The following DPRX variants were observed in gnomAD, a reference collection of about 807,000 sequenced individuals.
DPRX encodes divergent paired-related homeobox.
In DPRX, 11 loss-of-function variants were observed where a neutral mutation model predicts 8.4. The ratio of observed to expected loss-of-function variants is 1.31; its 90% CI spans 0.82 to 2.17. The LOEUF (loss-of-function observed/expected upper bound fraction) is 2.17, where lower values mean the gene tolerates loss of function less well. DPRX is among the 30% of genes most tolerant of loss of function. The pLI is 0.00. For missense variants in DPRX, 211 were observed against 236.7 expected, an observed-to-expected ratio of 0.89 and a Z score of 0.71; for synonymous variants, 72 against 87.0, an observed-to-expected ratio of 0.83 and a Z score of 0.96.
At chr19:53,628,991 T>C (rs1022528692), upstream of DPRX, among the ~76,000 whole-genome samples, 3 of 151,834 alleles carry the variant, frequency 2.0e-5, no homozygotes, top group African/African-American at 7.3e-5. Flanking sequence ...TTAAACAATA[T>C]GGTTTATCCA....
the DPRX span, among the ~76,000 whole-genome samples, chr19:53,605,699 T>C: frequency 6.6e-6 from 1 of 151,764 alleles, no homozygotes; most frequent in Non-Finnish European, 1.5e-5. Context: ...GGGTCTTGCT[T>C]TGTCACCCAG....
the DPRX span, among the ~76,000 whole-genome samples, chr19:53,608,813 G>C: frequency 1.3e-5 from 2 of 151,758 alleles, no homozygotes; most frequent in Non-Finnish European, 2.9e-5. Flanking sequence ...AAATTAGCCG[G>C]GCATGGTGGC....
At chr19:53,619,980 C>G in the DPRX span, among the ~76,000 whole-genome samples, 1 of 152,124 alleles carries the variant, frequency 6.6e-6, no homozygotes, top group Non-Finnish European at 1.5e-5. Flanking sequence ...CATCCCCTGT[C>G]ACAGAGATGA....
upstream of DPRX, among the ~76,000 whole-genome samples, chr19:53,631,846 G>A (rs1741139844): frequency 6.6e-6 from 1 of 152,070 alleles, no homozygotes; most frequent in South Asian, 2.1e-4. Flanking sequence ...ACAACTCCCA[G>A]GAGTGTTAGT....
chr19:53,624,841 A>AGAAAG, the DPRX span, among the ~76,000 whole-genome samples: 1 of 142,352 alleles, frequency 7.0e-6, no homozygotes, highest in African/African-American at 2.6e-5. Flanking sequence ...AAAAAAAAAA[A>AGAAAG]AAAGAAAGAA....
the DPRX span, among the ~76,000 whole-genome samples, chr19:53,608,761 G>T: frequency 1.2e-4 from 18 of 151,868 alleles, no homozygotes; most frequent in Admixed American, 1.1e-3. Flanking sequence ...GACCATCCTG[G>T]CTAACATGGT....
the DPRX span, among the ~76,000 whole-genome samples, chr19:53,608,898 T>C: frequency 3.8e-5 from 5 of 130,208 alleles, no homozygotes; most frequent in Non-Finnish European, 7.7e-5. Context: ...GAGGTTGCAG[T>C]GAGCCAAGAT....
intron 1 of DPRX, among the ~76,000 whole-genome samples, chr19:53,632,540 A>C (rs2091097242): frequency 6.6e-6 from 1 of 151,320 alleles, no homozygotes; most frequent in Non-Finnish European, 1.5e-5. Flanking sequence ...CGAACTCCTG[A>C]CCTTGTGATC....
chr19:53,603,554 T>C, the DPRX span: 1 of 383,080 alleles, frequency 2.6e-6, no homozygotes, highest in Admixed American at 2.9e-5. Context: ...GGTACCTGAA[T>C]TAGAGAGAGT....
the DPRX span, among the ~76,000 whole-genome samples, chr19:53,611,567 G>A: frequency 6.6e-6 from 1 of 151,872 alleles, no homozygotes; most frequent in Non-Finnish European, 1.5e-5. Context: ...AGATGATTGC[G>A]GTACGATTTC....
upstream of DPRX, among the ~76,000 whole-genome samples, chr19:53,629,391 C>T (rs558341919): frequency 1.9e-4 from 28 of 150,700 alleles, no homozygotes; most frequent in Admixed American, 6.0e-4. Flanking sequence ...ACAACATGCT[C>T]AGTAAAAGAA....
At chr19:53,609,824 A>G in the DPRX span, among the ~76,000 whole-genome samples, 1 of 152,026 alleles carries the variant, frequency 6.6e-6, no homozygotes, top group Non-Finnish European at 1.5e-5. Context: ...GTCTCTACTA[A>G]AAATACAAAA....
the DPRX span, among the ~76,000 whole-genome samples, chr19:53,619,727 C>T: frequency 8.9e-5 from 13 of 145,302 alleles, no homozygotes; most frequent in East Asian, 6.1e-4. Flanking sequence ...TGGTGGCAGA[C>T]GCCTGTGGTC....
the DPRX span, among the ~76,000 whole-genome samples, chr19:53,610,233 T>C: frequency 6.7e-6 from 1 of 149,948 alleles, no homozygotes; most frequent in Non-Finnish European, 1.5e-5. Context: ...GCCAGGAGAA[T>C]TGCTTGAAAC....
the DPRX span, chr19:53,606,743 C>CGCCGGGCGGTG: frequency 6.7e-6 from 1 of 148,994 alleles, no homozygotes; most frequent in East Asian, 1.9e-4. This position sits in a 1 kb window ranked among gnomAD's most constrained non-coding sequence, Gnocchi z 4.8. Flanking sequence ...CAGGTATATG[C>CGCCGGGCGGTG]ACCGGGCGGT....
At chr19:53,605,400 G>T in the DPRX span, among the ~76,000 whole-genome samples, 2 of 148,072 alleles carry the variant, frequency 1.4e-5, no homozygotes, top group Admixed American at 6.8e-5. Context: ...TTTTTGAGAC[G>T]GAGTCTCGCT....
At chr19:53,616,165 T>G in the DPRX span, among the ~76,000 whole-genome samples, 6 of 151,886 alleles carry the variant, frequency 4.0e-5, no homozygotes, top group African/African-American at 1.5e-4. Context: ...GGCAGGAGAA[T>G]CGCTTGAATC....
At chr19:53,601,419 G>A in the DPRX span, 3 of 453,646 alleles carry the variant, frequency 6.6e-6, no homozygotes, top group Non-Finnish European at 1.3e-5. Context: ...CGTCTGCAAG[G>A]GACCCTTATT....
At chr19:53,613,504 T>A in the DPRX span, among the ~76,000 whole-genome samples, 2 of 151,160 alleles carry the variant, frequency 1.3e-5, no homozygotes, top group South Asian at 4.2e-4. Context: ...CGTGCCATCA[T>A]GCCCCGCTAA....
Sources: gnomAD v4.1 joint callset for allele counts (sites outside exome capture counted in the v4.1 genomes callset) on GRCh38, gnomAD v4.1.1 for gene constraint, Gnocchi (gnomAD v3.1) non-coding constraint, MANE v1.5 for transcripts, NCBI Gene and HGNC (gene_info 2026-07-23, HGNC 2026-07-21) for gene names.